Variants in CYTH3 observed in about 807,000 individuals in gnomAD.
CYTH3 encodes cytohesin-3.
Under a neutral mutation model 55.1 loss-of-function variants are expected in CYTH3, and 23 were observed. The observed-to-expected ratio is 0.42, with a 90% CI of 0.30 to 0.59. CYTH3 has a LOEUF of 0.59. Among genes scored for constraint, CYTH3 ranks in the 20% least tolerant of loss-of-function variants. The pLI, the probability that CYTH3 is intolerant of heterozygous loss-of-function variation, is 0.20. For missense variants in CYTH3, 413 were observed against 524.8 expected (o/e 0.79, Z 2.08); for synonymous variants, 249 against 194.9 (o/e 1.28, Z -2.31).
chr7:6,258,073 G>C (rs1562416258), intron 1 of CYTH3, among the ~76,000 whole-genome samples: 1 of 152,116 alleles, frequency 6.6e-6, no homozygotes, highest in Non-Finnish European at 1.5e-5. Flanking sequence ...CAGGAGTTTA[G>C]GACCAGCCTG....
At chr7:6,206,365 G>T (rs533575489) in intron 1 of CYTH3, among the ~76,000 whole-genome samples, 41 of 152,320 alleles carry the variant, frequency 2.7e-4, no homozygotes, top group African/African-American at 9.1e-4. Context: ...CACATATTGT[G>T]ATTCCATTTA....
intron 1 of CYTH3, among the ~76,000 whole-genome samples, chr7:6,197,543 T>C (rs1783963015): frequency 6.6e-6 from 1 of 151,910 alleles, no homozygotes; most frequent in African/African-American, 2.4e-5. Context: ...ATTAGCCAGA[T>C]GTAATGGTGG....
chr7:6,177,198 C>T (rs1783373065), intron 5 of CYTH3, among the ~76,000 whole-genome samples: 1 of 152,026 alleles, frequency 6.6e-6, no homozygotes, highest in African/African-American at 2.4e-5. Context: ...AAGTATTCCA[C>T]TTTCCACTTT....
At chr7:6,251,525 G>A (rs1440503599) in intron 1 of CYTH3, among the ~76,000 whole-genome samples, 1 of 151,974 alleles carries the variant, frequency 6.6e-6, no homozygotes, top group East Asian at 1.9e-4. Flanking sequence ...TCATGGCGGC[G>A]CAGACAGAGC....
chr7:6,239,050 C>CA (rs1276183031), intron 1 of CYTH3, among the ~76,000 whole-genome samples: 2 of 152,046 alleles, frequency 1.3e-5, no homozygotes, highest in East Asian at 3.8e-4. Flanking sequence ...CCCATCTCTA[C>CA]AAAAAATACA....
At chr7:6,244,979 T>A (rs1412056961) in intron 1 of CYTH3, among the ~76,000 whole-genome samples, 11 of 129,182 alleles carry the variant, frequency 8.5e-5, no homozygotes, top group African/African-American at 3.2e-4. Context: ...TTTTTTTTTT[T>A]TTTTTTTTTT....
chr7:6,197,733 A>G (rs938693867), intron 1 of CYTH3, among the ~76,000 whole-genome samples: 11 of 152,244 alleles, frequency 7.2e-5, no homozygotes, highest in African/African-American at 1.9e-4. Flanking sequence ...TATTAAATCT[A>G]TTTGATCCAT....
At chr7:6,210,760 G>C (rs1784303296) in intron 1 of CYTH3, among the ~76,000 whole-genome samples, 1 of 152,068 alleles carries the variant, frequency 6.6e-6, no homozygotes, top group Non-Finnish European at 1.5e-5. Flanking sequence ...GTGGTGCCAG[G>C]CTTAGGAAAG....
intron 1 of CYTH3, among the ~76,000 whole-genome samples, chr7:6,213,138 C>T (rs1784357947): frequency 6.6e-6 from 1 of 152,210 alleles, no homozygotes; most frequent in South Asian, 2.1e-4. Context: ...TTATTAAATT[C>T]CCAGCACCAA....
At chr7:6,240,316 A>C (rs1394980888) in intron 1 of CYTH3, among the ~76,000 whole-genome samples, 1 of 150,830 alleles carries the variant, frequency 6.6e-6, no homozygotes, top group Non-Finnish European at 1.5e-5. Flanking sequence ...AAAAAAAAGA[A>C]TGAGATCAGA....
At chr7:6,207,575 G>A (rs1386773924) in intron 1 of CYTH3, among the ~76,000 whole-genome samples, 1 of 152,002 alleles carries the variant, frequency 6.6e-6, no homozygotes, top group Non-Finnish European at 1.5e-5. Flanking sequence ...GACCAGCCTG[G>A]GCAATATAGG....
intron 9 of CYTH3, among the ~76,000 whole-genome samples, chr7:6,168,096 G>A (rs1783063115): frequency 2.0e-5 from 3 of 152,204 alleles, no homozygotes; most frequent in Non-Finnish European, 4.4e-5. Flanking sequence ...CTGCAGATGG[G>A]AGCCACTTTC....
At position 6,164,824 on chromosome 7, in the gene CYTH3, T is replaced by C; in HGVS notation, c.*120A>G. 8.8e-7 allele frequency: 1 copy of C among 1,138,340 alleles called. No homozygotes were observed. The highest frequency in any genetic ancestry group is 1.3e-6 in the Non-Finnish European group (1 of 763,162). The allele number at this position is 1,138,340 out of a possible 1,614,324, so 70.5% of individuals were successfully genotyped here. On this transcript the variant is annotated 3_prime_UTR_variant, in exon 13 of 13. Coordinates refer to ENST00000350796, the MANE Select transcript of CYTH3 (RefSeq NM_004227.4). ...ATACCACCTGGGCCACGGTATGCTC[T>C]GGAGCAGCAGCTTGCACCGCAGGGC...
intron 1 of CYTH3, among the ~76,000 whole-genome samples, chr7:6,215,435 A>G (rs933344020): frequency 1.3e-5 from 2 of 151,944 alleles, no homozygotes; most frequent in African/African-American, 2.4e-5. Flanking sequence ...CTAAAAATAC[A>G]AAAAATTAGC....
At chr7:6,235,257 T>A (rs1779489684) in intron 1 of CYTH3, among the ~76,000 whole-genome samples, 1 of 152,074 alleles carries the variant, frequency 6.6e-6, no homozygotes, top group African/African-American at 2.4e-5. Flanking sequence ...GAGCACATCA[T>A]TTGAGGTCAC....
chr7:6,221,981 A>G (rs1447345106), intron 1 of CYTH3, among the ~76,000 whole-genome samples: 1 of 152,164 alleles, frequency 6.6e-6, no homozygotes, highest in Non-Finnish European at 1.5e-5. Context: ...ACTAAAAAAC[A>G]GTCTTTATAT....
chr7:6,259,753 TATATTATATATA>T (rs1780238710), intron 1 of CYTH3, among the ~76,000 whole-genome samples: 1 of 11,836 alleles, frequency 8.4e-5, no homozygotes, highest in African/African-American at 3.2e-4. Context: ...AATATATATA[TATATTATATATA>T]TATATATTAT....
chr7:6,231,681 C>A (rs1403467371), intron 1 of CYTH3, among the ~76,000 whole-genome samples: 3 of 152,206 alleles, frequency 2.0e-5, no homozygotes, highest in Non-Finnish European at 1.5e-5. Context: ...TCTCTCAATG[C>A]TGATTGATCA....
At chr7:6,174,044 T>G (rs1232261801) in intron 5 of CYTH3, among the ~76,000 whole-genome samples, 1 of 151,922 alleles carries the variant, frequency 6.6e-6, no homozygotes, top group South Asian at 2.1e-4. Context: ...GTGGAATTAC[T>G]GGGTTCCATG....
Sources: allele counts gnomAD v4.1 joint callset (sites outside exome capture counted in the v4.1 genomes callset), GRCh38; gene constraint gnomAD v4.1.1; transcripts MANE v1.5; gene names NCBI Gene and HGNC (gene_info 2026-07-23, HGNC 2026-07-21).